POM121: variants seen among roughly 807,000 people sequenced by gnomAD.
POM121 encodes the protein nuclear envelope pore membrane protein POM 121.
A neutral mutation model predicts 81.3 loss-of-function variants in POM121; 32 were observed. The observed-to-expected ratio is 0.39, with a 90% CI of 0.30 to 0.53. The LOEUF is 0.53. Among genes scored for constraint, POM121 ranks in the 20% least tolerant of loss-of-function variants. The probability of loss-of-function intolerance (pLI) is 0.66; values close to 1 mark genes in which losing one functional copy is unlikely to be tolerated. For missense variants in POM121, 1,138 were observed against 1,614.6 expected, an observed-to-expected ratio of 0.70 and a Z score of 5.06; for synonymous variants, 514 against 694.2, an observed-to-expected ratio of 0.74 and a Z score of 4.08.
intron 4 of POM121, among the ~76,000 whole-genome samples, chr7:72,915,376 T>A (rs1487608925): frequency 1.3e-5 from 2 of 152,152 alleles, no homozygotes; most frequent in Non-Finnish European, 2.9e-5. Flanking sequence ...CAACATGCAC[T>A]GCTTTTTGTT....
At chr7:72,918,891 G>C (rs1183614831) in intron 4 of POM121, among the ~76,000 whole-genome samples, 2 of 151,912 alleles carry the variant, frequency 1.3e-5, no homozygotes, top group Non-Finnish European at 2.9e-5. Context: ...TCCACCTTCC[G>C]GGTTCAAGCG....
At chr7:72,890,880 T>C (rs1453528889) in intron 2 of POM121, 38 of 1,187,652 alleles carry the variant, frequency 3.2e-5, no homozygotes, top group Non-Finnish European at 3.8e-5. Flanking sequence ...TTATTCTTCA[T>C]TGAAAGGTTC....
chr7:72,948,965 T>C (rs1554504126), downstream of POM121: 1 of 1,611,236 alleles, frequency 6.2e-7, no homozygotes, highest in African/African-American at 1.3e-5. Context: ...AGGGAGCACA[T>C]GGAGTAGACG....
intron 5 of POM121, among the ~76,000 whole-genome samples, chr7:72,930,875 G>A (rs1178586560): frequency 6.6e-6 from 1 of 152,084 alleles, no homozygotes; most frequent in East Asian, 1.9e-4. Flanking sequence ...TAGCTATAAG[G>A]TCTTGGGCAG....
At chr7:72,905,133 G>A (rs1451693012) in intron 3 of POM121, among the ~76,000 whole-genome samples, 1 of 152,082 alleles carries the variant, frequency 6.6e-6, no homozygotes, top group African/African-American at 2.4e-5. Context: ...AGTTTTGCTT[G>A]GTTTATCAAT....
At chr7:72,928,789 C>G (rs1795728440) in intron 4 of POM121, among the ~76,000 whole-genome samples, 1 of 152,170 alleles carries the variant, frequency 6.6e-6, no homozygotes, top group African/African-American at 2.4e-5. Flanking sequence ...TGTTAAATTT[C>G]TACATGTCAG....
upstream of POM121, among the ~76,000 whole-genome samples, chr7:72,920,757 G>T (rs1554495906): frequency 6.6e-6 from 1 of 152,126 alleles, no homozygotes; most frequent in Non-Finnish European, 1.5e-5. Flanking sequence ...GATTCATTAG[G>T]TGGGTCCAGA....
At chr7:72,896,211 A>T (rs1451999633) in intron 3 of POM121, among the ~76,000 whole-genome samples, 1 of 151,754 alleles carries the variant, frequency 6.6e-6, no homozygotes, top group Non-Finnish European at 1.5e-5. Flanking sequence ...TGGACTGGGC[A>T]TGGTGGCTTA....
chr7:72,908,877 A>C (rs1793539952), intron 3 of POM121, among the ~76,000 whole-genome samples: 1 of 152,212 alleles, frequency 6.6e-6, no homozygotes, highest in African/African-American at 2.4e-5. Flanking sequence ...CAAGGTGCCC[A>C]GATTTCATAT....
At chr7:72,941,242 T>C (rs1218579362) in intron 10 of POM121, among the ~76,000 whole-genome samples, 32 of 152,054 alleles carry the variant, frequency 2.1e-4, no homozygotes, top group African/African-American at 6.3e-4. Flanking sequence ...GCCTTCCTCA[T>C]CTGTCAGATG....
At chr7:72,934,345 G>A (rs1285434596) in intron 5 of POM121, among the ~76,000 whole-genome samples, 5 of 152,092 alleles carry the variant, frequency 3.3e-5, no homozygotes, top group Admixed American at 6.6e-5. Context: ...TTGGCCTCCC[G>A]AAGTGCTGGG....
intron 3 of POM121, among the ~76,000 whole-genome samples, chr7:72,912,057 AGTT>A (rs3973790): frequency 2.0e-5 from 3 of 152,204 alleles, no homozygotes; most frequent in South Asian, 2.1e-4. Context: ...ATGCCCAGCT[AGTT>A]GTTGTTGTTT....
chr7:72,930,424 A>C (rs1218287761), intron 5 of POM121, among the ~76,000 whole-genome samples: 3 of 152,246 alleles, frequency 2.0e-5, no homozygotes, highest in African/African-American at 7.2e-5. Flanking sequence ...TGATCAATAT[A>C]GGCCAGCGGA....
At chr7:72,890,810 T>G in intron 2 of POM121, 1 of 1,536,864 alleles carries the variant, frequency 6.5e-7, no homozygotes, top group Non-Finnish European at 9.0e-7. Flanking sequence ...ATGCTTGAGT[T>G]TGAAGAAATA....
chr7:72,908,711 G>A (rs1793518322), intron 3 of POM121, among the ~76,000 whole-genome samples: 1 of 152,054 alleles, frequency 6.6e-6, no homozygotes, highest in Non-Finnish European at 1.5e-5. Context: ...TCTTTCTCAG[G>A]GCTGTTCCTT....
At position 72,945,693 on chromosome 7, in the gene POM121, G is replaced by T. The variant is rs1554503036; in HGVS notation, c.3637G>T (p.Gly1213Cys). The T allele has an allele frequency of 3.1e-6, 5 of 1,610,760 alleles. No individual in the cohort carries two copies. The highest frequency in any genetic ancestry group is 4.2e-6 in the Non-Finnish European group (5 of 1,178,560). ...CTCAGCACCCGCCCAAGGCTTTGTT[G>T]GTGTTGCACCTTTCGGTAAGCAGCA... is the stretch of plus-strand genomic sequence containing the variant. ...ASSAPAQGFV[G>C]VAPFGSAALS... Residue 1213 changes from glycine to cysteine, a missense_variant, in exon 12 of 13, where the codon GGT becomes TGT. Around this residue, in one of 7 missense-constraint regions of POM121, gnomAD observed 336 missense variants for 344.3 expected, o/e 0.98. Coordinates refer to ENST00000434423, the MANE Select transcript of POM121 (RefSeq NM_001387691.1).
At chr7:72,925,015 G>T (rs1795211847), upstream of POM121, 9 of 1,328,432 alleles carry the variant, frequency 6.8e-6, no homozygotes, top group South Asian at 1.6e-4. Context: ...CCGGGCGGTA[G>T]CGTCTCCCGG....
At chr7:72,934,268 A>G (rs1796300370) in intron 5 of POM121, among the ~76,000 whole-genome samples, 1 of 151,702 alleles carries the variant, frequency 6.6e-6, no homozygotes, top group Admixed American at 6.6e-5. Context: ...TATTTTTAGT[A>G]GAGATGGGTT....
At chr7:72,889,900 A>G (rs1273141494) in intron 1 of POM121, among the ~76,000 whole-genome samples, 1 of 151,992 alleles carries the variant, frequency 6.6e-6, no homozygotes, top group Non-Finnish European at 1.5e-5. Flanking sequence ...CCTTCATCCC[A>G]TAGAATACAC....
Sources: gnomAD v4.1 joint callset for allele counts (sites outside exome capture counted in the v4.1 genomes callset) on GRCh38, gnomAD v4.1.1 for gene constraint, gnomAD v4.1.1 regional missense constraint, MANE v1.5 for transcripts, NCBI Gene and HGNC (gene_info 2026-07-23, HGNC 2026-07-21) for gene names.